The following NUP214 variants were observed in gnomAD, a reference collection of about 807,000 sequenced individuals.
The protein encoded by NUP214 is nucleoporin 214, also known as nuclear pore complex protein Nup214.
In NUP214, 79 loss-of-function variants were observed where a neutral mutation model predicts 196.2. The ratio of observed to expected loss-of-function variants is 0.40; its 90% CI spans 0.34 to 0.49. The LOEUF is 0.49. Among genes scored for constraint, NUP214 ranks in the 20% least tolerant of loss-of-function variants. The pLI, the probability that NUP214 is intolerant of heterozygous loss-of-function variation, is 0.58. For synonymous variants in NUP214, 1,020 were observed against 990.5 expected (o/e 1.03, Z -0.56); for missense variants, 2,468 against 2,539.0 (o/e 0.97, Z 0.60).
chr9:131,135,890 A>G (rs768599255), intron 8 of NUP214, 50 bp from the exon 9 acceptor site: 46 of 1,492,600 alleles, frequency 3.1e-5, no homozygotes, highest in Non-Finnish European at 2.8e-6. Context: ...AGGTTAGCTT[A>G]GAACTATTGC....
In NUP214 at chr9:131,200,790, C is replaced by T. The variant is rs914772110; in HGVS notation, c.5522-857C>T. On this transcript the variant is annotated intron_variant, in intron 29 of 35. Transcript: ENST00000359428. ...GAGCTCTTTTGTTGTATAGTTCTGC[C>T]TCATGTTCCCAGGCCCTGTTCAGCT... Among the ~76,000 whole-genome samples the T allele has an allele frequency of 3.9e-5, 6 of 151,978 alleles. 1 individual carries two copies. The highest frequency in any genetic ancestry group is 1.5e-4 in the African/African-American group (6 of 41,364).
At position 131,233,745 on chromosome 9, in the gene NUP214, G is replaced by A; in HGVS notation, c.*258G>A. The A allele has an allele frequency of 2.0e-6, 1 of 503,898 alleles. No homozygotes were observed. Among genetic ancestry groups the A allele is most frequent in the Non-Finnish European group, 3.7e-6 (1 of 269,262 alleles). 31.2% of individuals were successfully genotyped at this position (503,898 alleles called of 1,614,324 possible). On this transcript the variant is annotated 3_prime_UTR_variant, in exon 36 of 36. Coordinates refer to ENST00000359428, the MANE Select transcript of NUP214 (RefSeq NM_005085.4). The stretch of plus-strand genomic sequence containing the variant: ...TTTTCAGATCACAGCCAAGAAGATT[G>A]CCCCGTTTCTGTGGCTCTGAGAAGC...
At chr9:131,182,210 T>C (rs759268710) in intron 24 of NUP214, among the ~76,000 whole-genome samples, 2 of 152,260 alleles carry the variant, frequency 1.3e-5, no homozygotes, top group African/African-American at 2.4e-5. Flanking sequence ...TAAGTGTATT[T>C]TACCACAATA....
intron 24 of NUP214, among the ~76,000 whole-genome samples, chr9:131,183,572 A>G (rs974983307): frequency 2.6e-5 from 4 of 152,134 alleles, no homozygotes; most frequent in Admixed American, 2.6e-4. Flanking sequence ...TAGCTTTTGT[A>G]TGTCTGCAGA....
chr9:131,161,399 C>T (rs1161803877), intron 18 of NUP214, among the ~76,000 whole-genome samples: 1 of 151,984 alleles, frequency 6.6e-6, no homozygotes, highest in Admixed American at 6.6e-5. Flanking sequence ...GCTGGGATTA[C>T]AGGTGCGTGC....
chr9:131,154,636 C>G (rs1019900255), intron 17 of NUP214, among the ~76,000 whole-genome samples: 6 of 152,178 alleles, frequency 3.9e-5, no homozygotes, highest in Non-Finnish European at 5.9e-5. Flanking sequence ...CGTGAGCCAC[C>G]GCGCCTGTTC....
At chr9:131,158,155 T>G (rs568011370) in intron 17 of NUP214, among the ~76,000 whole-genome samples, 4 of 152,374 alleles carry the variant, frequency 2.6e-5, no homozygotes, top group African/African-American at 9.6e-5. Flanking sequence ...CTCAGCTCAC[T>G]GCAGCCTCCG....
intron 17 of NUP214, among the ~76,000 whole-genome samples, chr9:131,153,819 A>G (rs895856908): frequency 3.3e-5 from 5 of 152,242 alleles, no homozygotes; most frequent in Admixed American, 6.5e-5. Flanking sequence ...AGTCTGGTTT[A>G]CAGTTCATGC....
chr9:131,137,552 C>CTTTTTTT (rs11338707), intron 9 of NUP214, among the ~76,000 whole-genome samples: 3 of 88,716 alleles, frequency 3.4e-5, no homozygotes, highest in Non-Finnish European at 6.4e-5. Context: ...CTGGTGGTAT[C>CTTTTTTT]TTTTTTTTTT....
chr9:131,218,581 C>T (rs2131086856), intron 31 of NUP214, among the ~76,000 whole-genome samples: 1 of 152,200 alleles, frequency 6.6e-6, no homozygotes, highest in Admixed American at 6.5e-5. Flanking sequence ...CCAACCCCCG[C>T]ACTCCCCGCC....
Position 131,198,650 on chromosome 9 carries a change from G to A in NUP214, c.5156G>A (p.Gly1719Glu). The A allele has an allele frequency of 6.2e-7, 1 of 1,614,256 alleles. No individual in the cohort carries two copies. The highest frequency in any genetic ancestry group is 1.1e-5 in the South Asian group (1 of 91,088). Residue 1719 changes from glycine to glutamate, a missense_variant, in exon 29 of 36, where the codon GGG becomes GAG. Gly to Glu is a moderately conservative substitution (Grantham distance 98). Around this residue, in one of 5 missense-constraint regions of NUP214, gnomAD observed 1,801 missense variants for 1,779.4 expected, o/e 1.01. Transcript: ENST00000359428. The stretch of plus-strand genomic sequence containing the variant: ...CCAGCTTTTGGTACCACAGCCCCAG[G>A]GGTCTTTGGACAGACAACCTTCGGG... ...SSPAFGTTAP[G>E]VFGQTTFGQA... is the part of the protein sequence containing the mutation.
intron 24 of NUP214, among the ~76,000 whole-genome samples, chr9:131,179,439 C>T (rs1833205092): frequency 6.6e-6 from 1 of 152,180 alleles, no homozygotes. Context: ...CCCTTTAGAC[C>T]AACCACCATC....
chr9:131,171,273 G>A (rs541296713), intron 21 of NUP214, among the ~76,000 whole-genome samples: 71 of 152,294 alleles, frequency 4.7e-4, no homozygotes, highest in Non-Finnish European at 9.3e-4. Context: ...GTGAAGGAAG[G>A]AACTAAGAGT....
intron 1 of NUP214, chr9:131,126,382 G>A (rs1831351578): frequency 6.6e-6 from 1 of 152,470 alleles, no homozygotes; most frequent in South Asian, 2.0e-4. Flanking sequence ...AGGATGGTGT[G>A]TTTAATAGTT....
intron 24 of NUP214, among the ~76,000 whole-genome samples, chr9:131,178,990 G>T (rs1833193262): frequency 2.6e-5 from 4 of 151,566 alleles, no homozygotes; most frequent in African/African-American, 7.3e-5. Context: ...TGTTGTTGTT[G>T]TTTTTTGTTT....
At position 131,222,767 on chromosome 9, in the gene NUP214, C is replaced by T. The variant is rs1158846550; in HGVS notation, c.5750-11C>T. The T allele has an allele frequency of 6.8e-6, 11 of 1,610,634 alleles. No homozygotes were observed. In the South Asian group the frequency reaches 1.2e-4, roughly 18 times the overall value. ...CTCCCTCTGACCTCCCTCACATCTT[C>T]ATCTCTTCAGATACCTCTAACCTAT... On this transcript the variant is annotated splice_polypyrimidine_tract_variant and intron_variant, in intron 31 of 35. Transcript: ENST00000359428.
chr9:131,165,708 A>T (rs1832768464), intron 21 of NUP214, among the ~76,000 whole-genome samples: 1 of 152,246 alleles, frequency 6.6e-6, no homozygotes, highest in African/African-American at 2.4e-5. Flanking sequence ...AATAGCCAAG[A>T]GGTGGAAACA....
Position 131,195,429 on chromosome 9 carries a change from A to T in NUP214, c.3721+135A>T, listed in dbSNP as rs1833746640. 3.1e-5 allele frequency: 21 copies of T among 678,060 alleles called. No individual in the cohort carries two copies. In the Admixed American group the frequency reaches 4.6e-4, roughly 15 times the overall value. 42.0% of individuals were successfully genotyped at this position (678,060 alleles called of 1,614,324 possible). A position where few individuals can be genotyped will look rare whatever the true frequency, so the allele number is the denominator to read the frequency against. On this transcript the variant is annotated intron_variant, in intron 28 of 35. Transcript: ENST00000359428. Reference sequence around the variant, plus strand: ...ATCTGCAATAAGCTCAGTGTTGATAATGTGCATTAGAAATATGCTTAATTT... The same window carrying T: ...ATCTGCAATAAGCTCAGTGTTGATATTGTGCATTAGAAATATGCTTAATTT...
chr9:131,215,297 C>T lies in NUP214; in HGVS notation c.5678C>T (p.Pro1893Leu). ...TTCTTCAGTGGCCTTGGAGGAAAAC[C>T]CAGTCAGGATGCAGCCAACAAAAAC... ...GGFFSGLGGKPSQDAANKNPF... is the reference protein window; with the variant it reads ...GGFFSGLGGKLSQDAANKNPF... The change falls in exon 31 of 36, where the codon CCC becomes CTC. Residue 1893 changes from proline to leucine, a missense_variant. Around this residue, in one of 5 missense-constraint regions of NUP214, gnomAD observed 262 missense variants for 296.5 expected, o/e 0.88. Coordinates refer to ENST00000359428, the MANE Select transcript of NUP214 (RefSeq NM_005085.4). The T allele has an allele frequency of 6.2e-7, 1 of 1,610,042 alleles. No homozygotes were observed. Among genetic ancestry groups the T allele is most frequent in the Non-Finnish European group, 8.5e-7 (1 of 1,178,070 alleles).
Sources: allele counts gnomAD v4.1 joint callset (sites outside exome capture counted in the v4.1 genomes callset), GRCh38; gene constraint gnomAD v4.1.1; regional missense constraint gnomAD v4.1.1; transcripts MANE v1.5; gene names NCBI Gene and HGNC (gene_info 2026-07-23, HGNC 2026-07-21).